ELOVL5: variants seen among roughly 807,000 people sequenced by gnomAD.
The protein encoded by ELOVL5 is very long chain fatty acid elongase 5.
In ELOVL5, 8 loss-of-function variants were observed where a neutral mutation model predicts 38.6. The observed-to-expected ratio is 0.21, with a 90% CI of 0.12 to 0.37. The LOEUF (loss-of-function observed/expected upper bound fraction) is 0.37, where lower values mean the gene tolerates loss of function less well. ELOVL5 is among the 10% of genes least tolerant of loss of function. ELOVL5 has a pLI of 1.00. For missense variants in ELOVL5, 280 were observed against 367.8 expected (o/e 0.76, Z 1.95); for synonymous variants, 127 against 133.7 (o/e 0.95, Z 0.34).
chr6:53,337,038 G>C (rs534371302), intron 1 of ELOVL5: 2 of 152,334 alleles, frequency 1.3e-5, no homozygotes, highest in East Asian at 3.9e-4. Flanking sequence ...TGGTGAGGGT[G>C]TCTTTGATCT....
At chr6:53,278,209 T>C (rs1766214078) in intron 3 of ELOVL5, among the ~76,000 whole-genome samples, 2 of 152,228 alleles carry the variant, frequency 1.3e-5, no homozygotes, top group Non-Finnish European at 2.9e-5. Context: ...TCCAGAGACA[T>C]CCTGGGTTGG....
intron 1 of ELOVL5, among the ~76,000 whole-genome samples, chr6:53,317,695 G>A (rs921031304): frequency 1.6e-4 from 24 of 151,950 alleles, no homozygotes; most frequent in African/African-American, 5.6e-4. Flanking sequence ...CCTGATGCTA[G>A]ATGATGGGTT....
intron 1 of ELOVL5, among the ~76,000 whole-genome samples, chr6:53,331,499 A>G (rs945184302): frequency 2.0e-4 from 30 of 152,320 alleles, no homozygotes; most frequent in Middle Eastern, 3.4e-3. Flanking sequence ...CCACAAACAC[A>G]TAAGTAATAC....
In ELOVL5 at chr6:53,311,831, G is replaced by A. The variant is rs1182533860; in HGVS notation, c.-8-16124C>T. Among the ~76,000 whole-genome samples the A allele has an allele frequency of 3.9e-5, 6 of 152,240 alleles. No homozygotes were observed. The East Asian group carries it at 1.2e-3, about 29-fold the overall frequency. On this transcript the variant is annotated intron_variant, in intron 1 of 7. Coordinates refer to ENST00000304434, the MANE Select transcript of ELOVL5 (RefSeq NM_021814.5). ...GGAAACGAAGGAATGGGAAGTGACC[G>A]ATACTGTTTATGATGTTTCTTTCTA...
chr6:53,298,874 G>C (rs1767128008), intron 1 of ELOVL5, among the ~76,000 whole-genome samples: 1 of 123,070 alleles, frequency 8.1e-6, no homozygotes, highest in Non-Finnish European at 1.6e-5. Context: ...CCCCTAGAGA[G>C]ACAGCAAGAG....
chr6:53,333,567 C>T (rs958727835), intron 1 of ELOVL5, among the ~76,000 whole-genome samples: 14 of 152,130 alleles, frequency 9.2e-5, no homozygotes, highest in African/African-American at 3.4e-4. Flanking sequence ...TATAGGGATA[C>T]TGATTAATGT....
At chr6:53,269,296 A>G in intron 7 of ELOVL5, 26 bp from the exon 8 acceptor site, 1 of 1,516,786 alleles carries the variant, frequency 6.6e-7, no homozygotes, top group Non-Finnish European at 8.8e-7. Context: ...GCAGATGAGA[A>G]CCAAATGACC....
intron 1 of ELOVL5, among the ~76,000 whole-genome samples, chr6:53,305,383 C>T (rs1311280718): frequency 1.4e-5 from 2 of 143,770 alleles, no homozygotes; most frequent in Non-Finnish European, 3.0e-5. Flanking sequence ...GGGGCTGACC[C>T]CCCCCCACCT....
intron 1 of ELOVL5, among the ~76,000 whole-genome samples, chr6:53,323,976 G>A (rs1768404584): frequency 6.6e-6 from 1 of 152,148 alleles, no homozygotes; most frequent in African/African-American, 2.4e-5. Context: ...TATGGGTCGG[G>A]TGCAGTGGCT....
intron 3 of ELOVL5, among the ~76,000 whole-genome samples, chr6:53,278,106 C>T (rs968247538): frequency 6.6e-6 from 1 of 152,208 alleles, no homozygotes; most frequent in Non-Finnish European, 1.5e-5. Flanking sequence ...CTGTCTTCAT[C>T]AGAGATATTT....
At chr6:53,346,483 G>A (rs948439657) in intron 1 of ELOVL5, among the ~76,000 whole-genome samples, 7 of 152,118 alleles carry the variant, frequency 4.6e-5, no homozygotes, top group African/African-American at 1.7e-4. Flanking sequence ...TTATGTACAT[G>A]TGCGTATTAA....
chr6:53,276,340 G>A (rs1766123099), intron 3 of ELOVL5, 84 bp from the exon 4 acceptor site: 1 of 923,722 alleles, frequency 1.1e-6, no homozygotes, highest in South Asian at 1.4e-5. Flanking sequence ...CAGAATCTGT[G>A]ATAATTTACC....
At chr6:53,281,153 T>G (rs540776642) in intron 3 of ELOVL5, among the ~76,000 whole-genome samples, 2 of 152,198 alleles carry the variant, frequency 1.3e-5, no homozygotes, top group Middle Eastern at 3.2e-3. Context: ...CAAAGAAGAC[T>G]GGCTGCTTCT....
intron 1 of ELOVL5, among the ~76,000 whole-genome samples, chr6:53,302,542 T>G (rs9474480): frequency 0.022 from 3,331 of 152,194 alleles, 130 homozygotes; most frequent in African/African-American, 0.076. Context: ...TGGCCATTTC[T>G]ACCTGGGGTA....
chr6:53,272,789 T>C (rs1160050687), intron 6 of ELOVL5, among the ~76,000 whole-genome samples: 1 of 152,120 alleles, frequency 6.6e-6, no homozygotes, highest in Non-Finnish European at 1.5e-5. Context: ...GCCAAACAAA[T>C]ATCCTTGCTG....
rs1203115808 is a variant in ELOVL5 at position 53,296,188 on chromosome 6, TA to T, written c.-8-482del. Among the ~76,000 whole-genome samples the T allele has an allele frequency of 6.6e-5, 10 of 150,808 alleles. No individual in the cohort carries two copies. The East Asian group carries it at 7.8e-4, about 12-fold the overall frequency. ...ATTTTACAGTACTTCATATCTACAG[TA>T]AAAAAAAATTCAAGTATTAAAAATT... On this transcript the variant is annotated intron_variant, in intron 1 of 7. Coordinates refer to ENST00000304434, the MANE Select transcript of ELOVL5 (RefSeq NM_021814.5).
intron 1 of ELOVL5, among the ~76,000 whole-genome samples, chr6:53,305,469 T>C (rs1767478629): frequency 6.9e-6 from 1 of 144,182 alleles, no homozygotes. Flanking sequence ...GCGGAGGGGC[T>C]CCTCACTTCT....
intron 1 of ELOVL5, among the ~76,000 whole-genome samples, chr6:53,319,270 C>CAAA (rs59435925): frequency 2.7e-5 from 2 of 74,896 alleles, no homozygotes; most frequent in Non-Finnish European, 4.7e-5. Flanking sequence ...GACTCCATCT[C>CAAA]AAAAAAAAAA....
Position 53,308,167 on chromosome 6 carries a change from A to G in ELOVL5, c.-8-12460T>C, listed in dbSNP as rs150983469. Among the ~76,000 whole-genome samples, 14 of 152,290 alleles carry G rather than the reference A, an allele frequency of 9.2e-5. No homozygotes were observed. The East Asian group carries it at 2.1e-3, about 23-fold the overall frequency. On this transcript the variant is annotated intron_variant, in intron 1 of 7. Transcript: ENST00000304434. ...ATGTTTGGTAACAGAGTTCTTTAAG[A>G]TCTCTGTAATTAAGACCTAGATGGG...
Sources: allele counts gnomAD v4.1 joint callset (sites outside exome capture counted in the v4.1 genomes callset), GRCh38; gene constraint gnomAD v4.1.1; transcripts MANE v1.5; gene names NCBI Gene and HGNC (gene_info 2026-07-23, HGNC 2026-07-21).